Variants in ENPEP observed in about 807,000 individuals in gnomAD.
ENPEP encodes the protein glutamyl aminopeptidase.
Under a neutral mutation model 114.5 loss-of-function variants are expected in ENPEP, and 103 were observed. The observed-to-expected ratio is 0.90, with a 90% CI of 0.77 to 1.06. The LOEUF (loss-of-function observed/expected upper bound fraction) is 1.06, where lower values mean the gene tolerates loss of function less well. Ranked by LOEUF, ENPEP falls within the 50% of genes least tolerant of loss-of-function variation. ENPEP has a pLI of 0.00. For missense variants in ENPEP, 1,196 were observed against 1,161.3 expected (o/e 1.03, Z -0.43); for synonymous variants, 420 against 422.0 (o/e 1.00, Z 0.06).
At chr4:110,517,039 G>A (rs532548057) in intron 8 of ENPEP, among the ~76,000 whole-genome samples, 227 of 152,202 alleles carry the variant, frequency 1.5e-3, no homozygotes, top group African/African-American at 5.1e-3. Context: ...TGCCTCCCGG[G>A]TTCAAGCGAT....
intron 13 of ENPEP, among the ~76,000 whole-genome samples, chr4:110,544,493 A>G (rs1467354099): frequency 6.6e-6 from 1 of 152,120 alleles, no homozygotes; most frequent in Non-Finnish European, 1.5e-5. Flanking sequence ...TATTTTCACT[A>G]TATTACAGTA....
chr4:110,523,244 C>T (rs930284319), intron 10 of ENPEP, among the ~76,000 whole-genome samples: 5 of 152,072 alleles, frequency 3.3e-5, no homozygotes, highest in African/African-American at 1.2e-4. Context: ...AAATATGAAG[C>T]GGAGTTCTCA....
intron 1 of ENPEP, among the ~76,000 whole-genome samples, chr4:110,477,359 T>C (rs1418391523): frequency 6.6e-6 from 1 of 152,230 alleles, no homozygotes; most frequent in African/African-American, 2.4e-5. Flanking sequence ...TTCCATAAAT[T>C]ATCTCAGGTT....
At chr4:110,508,178 A>C (rs1002349678) in intron 4 of ENPEP, among the ~76,000 whole-genome samples, 1 of 149,978 alleles carries the variant, frequency 6.7e-6, no homozygotes, top group Non-Finnish European at 1.5e-5. Flanking sequence ...AATTAATTAT[A>C]TCTTAGACTC....
intron 14 of ENPEP, 70 bp downstream of exon 14, chr4:110,548,396 G>C: frequency 7.6e-7 from 1 of 1,316,950 alleles, no homozygotes; most frequent in Non-Finnish European, 1.0e-6. Flanking sequence ...TGCTTTCTGA[G>C]AGAAGGAGCT....
In ENPEP at chr4:110,506,693, A is replaced by G. The variant is rs1464752043; in HGVS notation, c.975A>G (p.Ile325Met). The change falls in exon 4 of 20, where the codon ATA becomes ATG. Residue 325 changes from isoleucine to methionine, a missense_variant. Physicochemically the swap from Ile to Met is conservative, Grantham distance 10. Transcript: ENST00000265162. ...QKHTAEYAAN[I>M]TKSVFDYFEE... ...ACACAGCCGAATATGCTGCAAACAT[A>G]ACTAAAAGTGTGTTTGATTATTTTG... The G allele has an allele frequency of 6.2e-7, 1 of 1,612,448 alleles. No individual in the cohort carries two copies. The highest frequency in any genetic ancestry group is 2.2e-5 in the East Asian group (1 of 44,830).
At chr4:110,508,519 ATATT>A (rs1725454690) in intron 4 of ENPEP, among the ~76,000 whole-genome samples, 1 of 152,218 alleles carries the variant, frequency 6.6e-6, no homozygotes, top group Non-Finnish European at 1.5e-5. Flanking sequence ...AGCTCTAAGA[ATATT>A]TATTTTGGCT....
At chr4:110,554,082 T>C (rs1727387381) in intron 18 of ENPEP, among the ~76,000 whole-genome samples, 2 of 152,050 alleles carry the variant, frequency 1.3e-5, no homozygotes, top group Non-Finnish European at 1.5e-5. Flanking sequence ...TCTGATACTC[T>C]AAATATAATG....
chr4:110,555,040 A>G (rs560975207), intron 18 of ENPEP, among the ~76,000 whole-genome samples: 3 of 152,156 alleles, frequency 2.0e-5, no homozygotes, highest in East Asian at 1.9e-4. Flanking sequence ...CATAAAATTC[A>G]TAAGTGTCTG....
At chr4:110,485,062 A>G (rs1006290796) in intron 1 of ENPEP, among the ~76,000 whole-genome samples, 16 of 152,170 alleles carry the variant, frequency 1.1e-4, no homozygotes, top group African/African-American at 3.9e-4. Context: ...AGTCAGAAGA[A>G]TTCAGAAGGA....
At chr4:110,519,839 A>G (rs1029422954) in intron 8 of ENPEP, among the ~76,000 whole-genome samples, 169 bp from the exon 9 acceptor site, 9 of 152,328 alleles carry the variant, frequency 5.9e-5, no homozygotes, top group African/African-American at 1.7e-4. Context: ...TGAACATTGT[A>G]TGGAATTCAA....
At position 110,542,837 on chromosome 4, in the gene ENPEP, G is replaced by A; in HGVS notation, c.1894G>A (p.Glu632Lys). ...DHIGFYRVNY[E>K]VATWDSIATA... ...TATTGGGTTTTATCGTGTAAATTAT[G>A]AAGTAGCAACTTGGGACTCGATAGC... Residue 632 changes from glutamate (E) to lysine (K), a missense_variant, in exon 12 of 20, where the codon GAA (glutamate) becomes AAA (lysine). Physicochemically the swap from Glu to Lys is moderately conservative, Grantham distance 56. Transcript: ENST00000265162. The A allele has an allele frequency of 6.2e-7, 1 of 1,613,212 alleles. No individual in the cohort carries two copies. Among genetic ancestry groups the A allele is most frequent in the Non-Finnish European group, 8.5e-7 (1 of 1,179,434 alleles).
Position 110,476,846 on chromosome 4 carries a change from C to T in ENPEP, c.432C>T (p.Leu144=). ...TCCGGGAGACCAGGATCACCCGGCT[C>T]CCGGAGCTGAAGAGGCCCTCTGGGG... is the stretch of plus-strand genomic sequence containing the variant. ...LHLRETRITR[L]PELKRPSGDQ... Residue 144 remains leucine, a synonymous_variant, in exon 1 of 20, where the codon CTC becomes CTT. Coordinates refer to ENST00000265162, the MANE Select transcript of ENPEP (RefSeq NM_001977.4). 1 of 1,614,106 alleles carries T rather than the reference C, an allele frequency of 6.2e-7. No individual in the cohort carries two copies. Among genetic ancestry groups the T allele is most frequent in the Non-Finnish European group, 8.5e-7 (1 of 1,179,994 alleles).
At chr4:110,512,200 C>T (rs762737667) in intron 6 of ENPEP, among the ~76,000 whole-genome samples, 5 of 152,150 alleles carry the variant, frequency 3.3e-5, no homozygotes, top group African/African-American at 7.2e-5. Context: ...ATTTTATAAG[C>T]GAGCTCAATA....
At chr4:110,504,807 G>A (rs891339083) in intron 3 of ENPEP, among the ~76,000 whole-genome samples, 2 of 152,156 alleles carry the variant, frequency 1.3e-5, no homozygotes, top group African/African-American at 4.8e-5. Flanking sequence ...TACTGACATG[G>A]GAAATGAGAA....
At chr4:110,548,075 G>C in intron 13 of ENPEP, 101 bp from the exon 14 acceptor site, 1 of 1,242,394 alleles carries the variant, frequency 8.0e-7, no homozygotes, top group South Asian at 2.1e-5. Flanking sequence ...AACATGGAAT[G>C]CTTTGATCGC....
At chr4:110,504,150 C>T (rs181166579) in intron 3 of ENPEP, among the ~76,000 whole-genome samples, 10 of 152,216 alleles carry the variant, frequency 6.6e-5, no homozygotes, top group South Asian at 4.1e-4. Context: ...GGCTTTTCAC[C>T]GGTCTTTTGG....
At chr4:110,510,402 G>A in intron 6 of ENPEP, 44 bp downstream of exon 6, 1 of 1,511,198 alleles carries the variant, frequency 6.6e-7, no homozygotes, top group Non-Finnish European at 9.2e-7. Context: ...TTTTCCTCAT[G>A]CAAAGCAGAT....
intron 14 of ENPEP, among the ~76,000 whole-genome samples, chr4:110,548,684 A>T (rs1246617199): frequency 6.6e-6 from 1 of 152,084 alleles, no homozygotes; most frequent in Non-Finnish European, 1.5e-5. Flanking sequence ...TTCTTCTAAA[A>T]TATAATATTA....
Sources: allele counts gnomAD v4.1 joint callset (sites outside exome capture counted in the v4.1 genomes callset), GRCh38; gene constraint gnomAD v4.1.1; transcripts MANE v1.5; gene names NCBI Gene and HGNC (gene_info 2026-07-23, HGNC 2026-07-21).